The following RIMKLA variants were observed in gnomAD, a reference collection of about 807,000 sequenced individuals.
RIMKLA encodes N-acetylaspartylglutamate synthase A.
RIMKLA carries 14 observed loss-of-function variants against 32.7 expected under a neutral mutation model. That is an observed-to-expected ratio of 0.43 (90% CI 0.28 to 0.67). The LOEUF (loss-of-function observed/expected upper bound fraction) is 0.67. Ranked by LOEUF, RIMKLA falls within the 30% of genes least tolerant of loss-of-function variation. The pLI, the probability that RIMKLA is intolerant of heterozygous loss-of-function variation, is 0.18. For missense variants in RIMKLA, 410 were observed against 519.0 expected, an observed-to-expected ratio of 0.79 and a Z score of 2.04; for synonymous variants, 176 against 204.1, an observed-to-expected ratio of 0.86 and a Z score of 1.18.
chr1:42,382,792 A>C (rs1642900281), intron 1 of RIMKLA, among the ~76,000 whole-genome samples: 1 of 152,196 alleles, frequency 6.6e-6, no homozygotes, highest in African/African-American at 2.4e-5. Flanking sequence ...CCTTTTGTTT[A>C]GTGTCTTAAA....
intron 4 of RIMKLA, among the ~76,000 whole-genome samples, chr1:42,414,118 A>C (rs1643225316): frequency 6.6e-6 from 1 of 151,734 alleles, no homozygotes; most frequent in Admixed American, 6.6e-5. Flanking sequence ...TTTAGATTAT[A>C]ATTTTTCATT....
At chr1:42,409,158 C>T (rs540665937) in intron 3 of RIMKLA, among the ~76,000 whole-genome samples, 46 of 128,556 alleles carry the variant, frequency 3.6e-4, no homozygotes, top group Non-Finnish European at 5.6e-4. Flanking sequence ...GCCAAGATCG[C>T]GCCACTGCAC....
At chr1:42,384,517 A>T (rs559343761) in intron 1 of RIMKLA, among the ~76,000 whole-genome samples, 14 of 148,676 alleles carry the variant, frequency 9.4e-5, no homozygotes, top group African/African-American at 3.5e-4. Flanking sequence ...ATATGTATAT[A>T]TGTGTGTATA....
rs1643267676 is a variant in RIMKLA, at chr1:42,418,233, T to G, written c.*3259T>G. ...TAGCATCTTGAAACTGGTCAAAACT[T>G]GAATGCCAATAGCTCAGTCACTCAG... On this transcript the variant is annotated 3_prime_UTR_variant, in exon 5 of 5. Transcript: ENST00000431473. 1 of 152,224 alleles carries G rather than the reference T, an allele frequency of 6.6e-6. No homozygotes were observed. Among genetic ancestry groups the G allele is most frequent in the Non-Finnish European group, 1.5e-5 (1 of 68,056 alleles). The allele number at this position is 152,224 out of a possible 1,614,324, so 9.4% of individuals were successfully genotyped here. A position where few individuals can be genotyped will look rare whatever the true frequency, so the allele number is the denominator to read the frequency against.
chr1:42,416,095 G>GGGGGA lies in RIMKLA; in HGVS notation c.*1124_*1125insGAGGG, dbSNP rs1643245771. On this transcript the variant is annotated 3_prime_UTR_variant, in exon 5 of 5. Coordinates refer to ENST00000431473, the MANE Select transcript of RIMKLA (RefSeq NM_173642.4). ...ACCCATTGCACATTTTGCGGGGGGG[G>GGGGGA]GGGCTAATGTAGACATGACACCAAG... 1 of 136,310 alleles carries GGGGGA rather than the reference G, an allele frequency of 7.3e-6. No individual in the cohort carries two copies. The highest frequency in any genetic ancestry group is 1.6e-5 in the Non-Finnish European group (1 of 61,294). 8.4% of individuals were successfully genotyped at this position (136,310 alleles called of 1,614,324 possible).
At position 42,410,115 on chromosome 1, in the gene RIMKLA, G is replaced by T; in HGVS notation, c.613G>T (p.Val205Leu). The part of the protein sequence containing the change: ...SHGKDIRVVV[V>L]GGQVIGSMLR... ...TGGAAAGGACATCCGGGTGGTGGTG[G>T]TAGGGGGCCAGGTCATAGGCTCTAT... The change falls in exon 4 of 5, where the codon GTA (valine) becomes TTA (leucine). Residue 205 changes from valine to leucine, a missense_variant. By Grantham distance (32) the Val-to-Leu change is conservative (BLOSUM62 1). Transcript: ENST00000431473. The T allele has an allele frequency of 6.2e-7, 1 of 1,614,188 alleles. No homozygotes were observed. The highest frequency in any genetic ancestry group is 8.5e-7 in the Non-Finnish European group (1 of 1,180,020).
intron 2 of RIMKLA, among the ~76,000 whole-genome samples, chr1:42,400,846 C>T (rs1052771827): frequency 5.3e-5 from 8 of 151,986 alleles, no homozygotes; most frequent in East Asian, 3.9e-4. Flanking sequence ...AGGTGAAGTC[C>T]GAGGAATGGA....
intron 1 of RIMKLA, among the ~76,000 whole-genome samples, chr1:42,396,056 GA>G (rs971103676): frequency 6.6e-6 from 1 of 151,818 alleles, no homozygotes; most frequent in African/African-American, 2.4e-5. Context: ...CCAACATGAT[GA>G]AACCCTCTCT....
chr1:42,421,696 T>A lies in RIMKLA; in HGVS notation c.*6722T>A, dbSNP rs1643296704. 6.6e-6 allele frequency: 1 copy of A among 152,186 alleles called. No homozygotes were observed. Among genetic ancestry groups the A allele is most frequent in the African/African-American group, 2.4e-5 (1 of 41,398 alleles). The allele number at this position is 152,186 out of a possible 1,614,324, so 9.4% of individuals were successfully genotyped here. A position where few individuals can be genotyped will look rare whatever the true frequency, so the allele number is the denominator to read the frequency against. On this transcript the variant is annotated 3_prime_UTR_variant, in exon 5 of 5. Coordinates refer to ENST00000431473, the MANE Select transcript of RIMKLA (RefSeq NM_173642.4). The surrounding 1 kb of genome is among the most constrained non-coding windows in gnomAD (Gnocchi z 4.6). ...GAGTTCCAGTGGTGTGCCGAAGTGG[T>A]TTGCACTGGCCCATGAGAGTGGATT...
At chr1:42,405,687 C>T (rs1271022028) in intron 3 of RIMKLA, among the ~76,000 whole-genome samples, 2 of 152,224 alleles carry the variant, frequency 1.3e-5, no homozygotes, top group Non-Finnish European at 2.9e-5. Flanking sequence ...GACCCAGTCA[C>T]TGATCTCGAG....
At chr1:42,411,727 G>A (rs1229490690) in intron 4 of RIMKLA, among the ~76,000 whole-genome samples, 1 of 139,944 alleles carries the variant, frequency 7.1e-6, no homozygotes, top group Non-Finnish European at 1.6e-5. Context: ...AGGCTGGAGT[G>A]CAGTGGCACA....
intron 4 of RIMKLA, among the ~76,000 whole-genome samples, chr1:42,414,175 C>T (rs1643225812): frequency 6.6e-6 from 1 of 151,984 alleles, no homozygotes; most frequent in Non-Finnish European, 1.5e-5. Flanking sequence ...CCATCATGTA[C>T]CTGGCTCCAT....
At chr1:42,385,883 T>TTTCCTTCTTTCC (rs1273695154) in intron 1 of RIMKLA, among the ~76,000 whole-genome samples, 39 of 90,244 alleles carry the variant, frequency 4.3e-4, no homozygotes, top group African/African-American at 1.6e-3. Flanking sequence ...TCTTTCTTTC[T>TTTCCTTCTTTCC]TTCTTTCTTT....
chr1:42,400,692 G>A (rs1303678526), intron 2 of RIMKLA, among the ~76,000 whole-genome samples: 2 of 152,142 alleles, frequency 1.3e-5, no homozygotes, highest in African/African-American at 4.8e-5. Flanking sequence ...TAGGGGAGAG[G>A]TGATTTCAGT....
At chr1:42,387,105 G>T (rs908376099) in intron 1 of RIMKLA, among the ~76,000 whole-genome samples, 3 of 151,852 alleles carry the variant, frequency 2.0e-5, no homozygotes, top group African/African-American at 7.3e-5. Flanking sequence ...GCCAGGCATG[G>T]TGGAATGCAC....
At chr1:42,384,569 A>G (rs1642919918) in intron 1 of RIMKLA, among the ~76,000 whole-genome samples, 2 of 146,108 alleles carry the variant, frequency 1.4e-5, no homozygotes, top group South Asian at 4.3e-4. Context: ...ATATACATAT[A>G]TATGTGTATA....
In RIMKLA at chr1:42,414,898, G is replaced by T; in HGVS notation, c.1100G>T (p.Gly367Val). 1.2e-6 allele frequency: 2 copies of T among 1,614,134 alleles called. No individual in the cohort carries two copies. Among genetic ancestry groups the T allele is most frequent in the South Asian group, 2.2e-5 (2 of 91,074 alleles). Residue 367 changes from glycine (G) to valine (V), a missense_variant, in exon 5 of 5, where the codon GGG becomes GTG. Physicochemically the swap from Gly to Val is moderately radical, Grantham distance 109. Coordinates refer to ENST00000431473, the MANE Select transcript of RIMKLA (RefSeq NM_173642.4). ...EIRDSSASTMGAPPSMLPEPG... is the reference protein window; with the variant it reads ...EIRDSSASTMVAPPSMLPEPG... ...CGGGATTCCTCAGCAAGCACAATGGGGGCCCCACCCTCCATGCTGCCCGAA... is the reference window on the plus strand; with the variant it reads ...CGGGATTCCTCAGCAAGCACAATGGTGGCCCCACCCTCCATGCTGCCCGAA...
intron 3 of RIMKLA, among the ~76,000 whole-genome samples, chr1:42,407,240 TAAC>T (rs749815717): frequency 9.9e-5 from 15 of 152,240 alleles, no homozygotes; most frequent in Non-Finnish European, 1.9e-4. Flanking sequence ...ATTAGATATA[TAAC>T]AACATGTTTG....
intron 1 of RIMKLA, among the ~76,000 whole-genome samples, chr1:42,386,425 C>T (rs1257227122): frequency 4.6e-5 from 7 of 152,110 alleles, no homozygotes; most frequent in Admixed American, 2.0e-4. Context: ...AGCCTCACCT[C>T]ACTCCAGCCG....
Sources: allele counts gnomAD v4.1 joint callset (sites outside exome capture counted in the v4.1 genomes callset), GRCh38; gene constraint gnomAD v4.1.1; non-coding constraint Gnocchi (gnomAD v3.1); transcripts MANE v1.5; gene names NCBI Gene and HGNC (gene_info 2026-07-23, HGNC 2026-07-21).